DMD: variants seen among roughly 807,000 people sequenced by gnomAD.
DMD encodes the protein dystrophin.
In DMD, 63 loss-of-function variants were observed where a neutral mutation model predicts 330.1. The observed-to-expected ratio is 0.19, with a 90% CI of 0.16 to 0.24. The LOEUF (loss-of-function observed/expected upper bound fraction) is 0.24. Ranked by LOEUF, DMD falls within the 10% of genes least tolerant of loss-of-function variation. The pLI is 1.00. For missense variants in DMD, 3,344 were observed against 2,684.1 expected (o/e 1.25, Z -5.43); for synonymous variants, 1,223 against 959.8 (o/e 1.27, Z -5.07).
At chrX:32,004,572 T>G (rs989999121) in intron 44 of DMD, among the ~76,000 whole-genome samples, 1 of 111,549 alleles carries the variant, frequency 9.0e-6, no homozygotes, top group African/African-American at 3.3e-5. Flanking sequence ...TAACTTGAAA[T>G]AATAGGACCT....
chrX:32,621,451 A>T (rs767076190), intron 11 of DMD, among the ~76,000 whole-genome samples: 2 of 109,684 alleles, frequency 1.8e-5, no homozygotes, highest in Non-Finnish European at 3.8e-5. Context: ...AGATTGACCA[A>T]TAAGAAGAGA....
At chrX:33,308,616 T>C (rs1004061914) in intron 1 of DMD, among the ~76,000 whole-genome samples, 3 of 111,677 alleles carry the variant, frequency 2.7e-5, no homozygotes, top group Admixed American at 9.6e-5. Flanking sequence ...CCAATTCCTC[T>C]CCCCAATTGA....
At chrX:32,040,481 T>C (rs1375164078) in intron 44 of DMD, among the ~76,000 whole-genome samples, 2 of 112,025 alleles carry the variant, frequency 1.8e-5, no homozygotes, top group African/African-American at 3.2e-5. Flanking sequence ...TTTAAAACCG[T>C]AGCTAAAGTC....
chrX:32,330,797 T>C (rs1054152251), intron 41 of DMD, among the ~76,000 whole-genome samples: 20 of 111,771 alleles, frequency 1.8e-4, no homozygotes, highest in South Asian at 7.4e-4. Flanking sequence ...CAATTCAGTG[T>C]ATTCAAAATA....
intron 2 of DMD, among the ~76,000 whole-genome samples, chrX:32,904,062 A>G (rs748474630): frequency 9.8e-5 from 11 of 112,308 alleles, no homozygotes; most frequent in Non-Finnish European, 1.7e-4. Flanking sequence ...AATGGATAAC[A>G]ATATCAAAGA....
chrX:31,769,830 G>A (rs1404430140), intron 51 of DMD, among the ~76,000 whole-genome samples: 1 of 111,549 alleles, frequency 9.0e-6, no homozygotes, highest in Non-Finnish European at 1.9e-5. Context: ...TTTAGTGGTT[G>A]GTCAGAATCA....
intron 67 of DMD, among the ~76,000 whole-genome samples, chrX:31,196,226 G>GCCCC (rs1194841943): frequency 1.8e-5 from 2 of 111,602 alleles, no homozygotes; most frequent in African/African-American, 3.3e-5. Context: ...TCATGAGCAG[G>GCCCC]CCCAGTAAGA....
Position 31,822,653 on chromosome X carries a change from GGT to G in DMD, c.7201-2572_7201-2571del, listed in dbSNP as rs1556919105. ...TTGGCCATACAGAAAAAGGCAGAGG[GGT>G]GTGTGTGTGTGTGTGTGTGTGTGTG... On this transcript the variant is annotated intron_variant, in intron 49 of 78. Coordinates refer to ENST00000357033, the MANE Select transcript of DMD (RefSeq NM_004006.3). Among the ~76,000 whole-genome samples the G allele has an allele frequency of 4.2e-3, 274 of 65,785 alleles. 2 individuals carry two copies. Among genetic ancestry groups the G allele is most frequent in the Non-Finnish European group, 5.2e-3 (196 of 37,811 alleles). The allele number at this position is 65,785 out of a possible 115,157, so 57.1% of individuals were successfully genotyped here.
intron 1 of DMD, among the ~76,000 whole-genome samples, chrX:33,073,150 T>A (rs759638828): frequency 3.7e-4 from 41 of 111,919 alleles, no homozygotes; most frequent in Non-Finnish European, 4.5e-4. Flanking sequence ...AGTATACCAA[T>A]TGTTCAGTTT....
chrX:33,095,080 G>C (rs2095139138), intron 1 of DMD, among the ~76,000 whole-genome samples: 1 of 111,803 alleles, frequency 8.9e-6, no homozygotes, highest in Admixed American at 9.5e-5. Flanking sequence ...TTCAAGCTTT[G>C]CTCTGTGTGC....
chrX:31,511,093 C>T (rs765036589), intron 55 of DMD, among the ~76,000 whole-genome samples: 6 of 110,475 alleles, frequency 5.4e-5, no homozygotes, highest in African/African-American at 9.9e-5. Context: ...ATAGGTTGCC[C>T]TAAAAGGAAG....
chrX:31,529,589 G>A (rs1427239013), intron 55 of DMD, among the ~76,000 whole-genome samples: 1 of 110,644 alleles, frequency 9.0e-6, no homozygotes, highest in South Asian at 3.8e-4. Flanking sequence ...GTGACACGAC[G>A]TTCTCTTTCT....
At chrX:32,044,297 T>C (rs1476190766) in intron 44 of DMD, among the ~76,000 whole-genome samples, 2 of 110,942 alleles carry the variant, frequency 1.8e-5, no homozygotes, top group Non-Finnish European at 3.8e-5. Context: ...TCCTATTCAA[T>C]AGGGGATGTC....
intron 2 of DMD, among the ~76,000 whole-genome samples, chrX:32,853,752 A>G (rs1352757304): frequency 4.0e-5 from 4 of 99,111 alleles, no homozygotes; most frequent in African/African-American, 1.5e-4. Flanking sequence ...AAACTCTCCA[A>G]TCAAAACACA....
At chrX:31,449,795 T>TAGATAGATAGATAG (rs1422679507) in intron 59 of DMD, among the ~76,000 whole-genome samples, 59 of 81,271 alleles carry the variant, frequency 7.3e-4, no homozygotes, top group African/African-American at 2.7e-3. Context: ...TATATATATA[T>TAGATAGATAGATAG]ATAGATAGAT....
rs749649834 is a variant in DMD, at chrX:32,595,802, T to G, written c.1557A>C (p.Glu519Asp). The G allele has an allele frequency of 2.5e-6, 3 of 1,208,362 alleles. No individual in the cohort carries two copies. Among genetic ancestry groups the G allele is most frequent in the Non-Finnish European group, 3.4e-6 (3 of 892,236 alleles). The change falls in exon 13 of 79, where the codon GAA (glutamate) becomes GAC (aspartate). Residue 519 changes from glutamate (E) to aspartate (D), a missense_variant. Glu to Asp is a conservative substitution (Grantham distance 45, BLOSUM62 2). Transcript: ENST00000357033. Reference sequence around the variant, plus strand: ...CAGCAGTTGCGTGATCTCCACTAGATTCATCAACTACCACCACCATGTGAG... The same window carrying G: ...CAGCAGTTGCGTGATCTCCACTAGAGTCATCAACTACCACCACCATGTGAG... ...SLTHMVVVVD[E>D]SSGDHATAAL...
At chrX:31,799,070 C>T (rs767122317) in intron 50 of DMD, among the ~76,000 whole-genome samples, 13 of 111,997 alleles carry the variant, frequency 1.2e-4, no homozygotes, top group Non-Finnish European at 2.1e-4. Flanking sequence ...ATCCCCAGCT[C>T]AAGGGTTCCT....
At chrX:31,615,163 C>T (rs920303051) in intron 55 of DMD, among the ~76,000 whole-genome samples, 8 of 111,405 alleles carry the variant, frequency 7.2e-5, no homozygotes, top group Non-Finnish European at 1.5e-4. Flanking sequence ...GAGAAAGTGA[C>T]ACAAAATTCT....
At chrX:32,401,171 G>C (rs1382039782) in intron 30 of DMD, among the ~76,000 whole-genome samples, 3 of 90,768 alleles carry the variant, frequency 3.3e-5, no homozygotes, top group Non-Finnish European at 6.5e-5. Flanking sequence ...TCACACACCG[G>C]GGACTGTTGT....
Sources: gnomAD v4.1 joint callset for allele counts (sites outside exome capture counted in the v4.1 genomes callset) on GRCh38, gnomAD v4.1.1 for gene constraint, MANE v1.5 for transcripts, NCBI Gene and HGNC (gene_info 2026-07-23, HGNC 2026-07-21) for gene names.